Variants in DPP10 observed in about 807,000 individuals in gnomAD.
DPP10 encodes dipeptidyl peptidase like 10, also known as inactive dipeptidyl peptidase 10.
In DPP10, 33 loss-of-function variants were observed where a neutral mutation model predicts 120.9. That is an observed-to-expected ratio of 0.27 (90% CI 0.21 to 0.37). The LOEUF (loss-of-function observed/expected upper bound fraction) is 0.37. Ranked by LOEUF, DPP10 falls within the 10% of genes least tolerant of loss-of-function variation. DPP10 has a pLI of 1.00. For missense variants in DPP10, 816 were observed against 942.8 expected (o/e 0.87, Z 1.76); for synonymous variants, 337 against 326.1 (o/e 1.03, Z -0.36).
chr2:114,960,712 T>G (rs1233526363), intron 1 of DPP10, among the ~76,000 whole-genome samples: 1 of 152,164 alleles, frequency 6.6e-6, no homozygotes, highest in Admixed American at 6.5e-5. Context: ...TGAAATTCCA[T>G]TTTAAGAAAA....
intron 7 of DPP10, among the ~76,000 whole-genome samples, chr2:115,720,401 T>G (rs2092616742): frequency 6.6e-6 from 1 of 152,144 alleles, no homozygotes; most frequent in Non-Finnish European, 1.5e-5. Context: ...AGCATATTGC[T>G]TAGAGGAGGA....
intron 3 of DPP10, among the ~76,000 whole-genome samples, chr2:115,412,753 G>T (rs186536497): frequency 6.6e-6 from 1 of 152,050 alleles, no homozygotes. Flanking sequence ...TTGTTTTTTA[G>T]ATGTCGTTTG....
At chr2:115,326,847 A>G (rs1286258949) in intron 2 of DPP10, among the ~76,000 whole-genome samples, 2 of 152,112 alleles carry the variant, frequency 1.3e-5, no homozygotes, top group Non-Finnish European at 2.9e-5. Flanking sequence ...AAAAACATTG[A>G]TAAAGTAAAG....
intron 1 of DPP10, among the ~76,000 whole-genome samples, chr2:114,887,682 T>A (rs2106625900): frequency 1.3e-5 from 2 of 152,330 alleles, no homozygotes; most frequent in South Asian, 4.1e-4. Flanking sequence ...GGAACTACCA[T>A]AATTGCTACT....
Position 115,309,172 on chromosome 2 carries a change from A to T in DPP10, c.61-67A>T, listed in dbSNP as rs553188170. On this transcript the variant is annotated intron_variant, in intron 1 of 25. Coordinates refer to ENST00000410059, the MANE Select transcript of DPP10 (RefSeq NM_020868.6). ...CTGTGATTGTGCCATGCACTGAATC[A>T]TTCCTTTATGAATACATTTCTCTTG... 3 of 1,262,532 alleles carry T rather than the reference A, an allele frequency of 2.4e-6. No individual in the cohort carries two copies. The African/African-American group carries it at 4.5e-5, about 19-fold the overall frequency. 78.2% of individuals were successfully genotyped at this position (1,262,532 alleles called of 1,614,324 possible).
At chr2:114,875,383 T>C (rs1026382306) in intron 1 of DPP10, among the ~76,000 whole-genome samples, 1 of 152,138 alleles carries the variant, frequency 6.6e-6, no homozygotes, top group Middle Eastern at 3.2e-3. Flanking sequence ...TGTGCCGTAA[T>C]GTAAGCTGCT....
intron 16 of DPP10, 117 bp from the exon 17 acceptor site, chr2:115,782,235 T>C (rs1450163949): frequency 3.8e-6 from 3 of 784,404 alleles, no homozygotes; most frequent in Non-Finnish European, 6.2e-6. Context: ...TTCTGTTTTG[T>C]TATGTTTTAA....
At chr2:115,465,269 G>A (rs1466158699) in intron 3 of DPP10, among the ~76,000 whole-genome samples, 5 of 151,742 alleles carry the variant, frequency 3.3e-5, no homozygotes, top group African/African-American at 9.7e-5. Flanking sequence ...TAAAACACAC[G>A]GTTATCCTAT....
intron 1 of DPP10, among the ~76,000 whole-genome samples, chr2:115,100,321 T>C (rs1293932978): frequency 6.6e-6 from 1 of 152,228 alleles, no homozygotes; most frequent in East Asian, 1.9e-4. Context: ...TGGTGGCACA[T>C]GCCTGTAGTC....
At chr2:114,974,990 G>GA (rs1168214068) in intron 1 of DPP10, among the ~76,000 whole-genome samples, 28 of 149,964 alleles carry the variant, frequency 1.9e-4, no homozygotes, top group Non-Finnish European at 3.3e-4. Context: ...TCATGTTAAA[G>GA]AAAAAAATAT....
chr2:114,876,642 C>A (rs1023840379), intron 1 of DPP10, among the ~76,000 whole-genome samples: 1 of 152,094 alleles, frequency 6.6e-6, no homozygotes, highest in Non-Finnish European at 1.5e-5. Flanking sequence ...AAGCCCTAAA[C>A]CAGCTGTCTC....
intron 1 of DPP10, among the ~76,000 whole-genome samples, chr2:115,090,691 T>A (rs1029216671): frequency 5.3e-5 from 8 of 150,982 alleles, no homozygotes; most frequent in Non-Finnish European, 1.0e-4. Flanking sequence ...TCTGGACGAT[T>A]TTTTTGGTGA....
At chr2:115,454,794 C>T (rs2073392644) in intron 3 of DPP10, among the ~76,000 whole-genome samples, 1 of 151,498 alleles carries the variant, frequency 6.6e-6, no homozygotes, top group African/African-American at 2.4e-5. Flanking sequence ...TATTTTACTT[C>T]TCAGATGACA....
At chr2:115,695,337 G>T (rs1283816411) in intron 7 of DPP10, among the ~76,000 whole-genome samples, 3 of 152,162 alleles carry the variant, frequency 2.0e-5, no homozygotes, top group Non-Finnish European at 4.4e-5. Context: ...AAATGGGAAT[G>T]TATTAGTCCG....
chr2:115,125,500 A>G (rs1046019391), intron 1 of DPP10, among the ~76,000 whole-genome samples: 6 of 151,394 alleles, frequency 4.0e-5, no homozygotes, highest in African/African-American at 1.2e-4. Context: ...AGCCAATTAT[A>G]CCATTTTTAA....
chr2:114,813,001 G>C (rs568405512), intron 1 of DPP10, among the ~76,000 whole-genome samples: 1 of 152,116 alleles, frequency 6.6e-6, no homozygotes, highest in Non-Finnish European at 1.5e-5. Flanking sequence ...CATGCATCAC[G>C]TACAGCTGTA....
chr2:114,948,389 T>C (rs1323285916), intron 1 of DPP10, among the ~76,000 whole-genome samples: 1 of 152,198 alleles, frequency 6.6e-6, no homozygotes, highest in East Asian at 1.9e-4. Flanking sequence ...TTTTCCTGCA[T>C]CTTATTTTAC....
At chr2:115,074,583 T>C (rs144650759) in intron 1 of DPP10, among the ~76,000 whole-genome samples, 4 of 152,298 alleles carry the variant, frequency 2.6e-5, no homozygotes, top group East Asian at 1.9e-4. Flanking sequence ...AGACAGATGT[T>C]GATCAAGTGC....
chr2:115,639,234 C>G (rs2086587341), intron 5 of DPP10, among the ~76,000 whole-genome samples: 1 of 152,194 alleles, frequency 6.6e-6, no homozygotes, highest in Admixed American at 6.5e-5. Context: ...TTCTGTTTCT[C>G]TTCTTCCTTC....
Sources: gnomAD v4.1 joint callset for allele counts (sites outside exome capture counted in the v4.1 genomes callset) on GRCh38, gnomAD v4.1.1 for gene constraint, MANE v1.5 for transcripts, NCBI Gene and HGNC (gene_info 2026-07-23, HGNC 2026-07-21) for gene names.